Variants in AGAP1 observed in about 807,000 individuals in gnomAD.
AGAP1 encodes arf-GAP with GTPase, ANK repeat and PH domain-containing protein 1.
In AGAP1, 29 loss-of-function variants were observed where a neutral mutation model predicts 105.3. That is an observed-to-expected ratio of 0.28 (90% CI 0.21 to 0.38). The LOEUF (loss-of-function observed/expected upper bound fraction) is 0.38. Ranked by LOEUF, AGAP1 falls within the 10% of genes least tolerant of loss-of-function variation. The pLI, the probability that AGAP1 is intolerant of heterozygous loss-of-function variation, is 1.00. For synonymous variants in AGAP1, 509 were observed against 485.9 expected, an observed-to-expected ratio of 1.05 and a Z score of -0.63; for missense variants, 998 against 1,165.1, an observed-to-expected ratio of 0.86 and a Z score of 2.09.
At position 235,712,203 on chromosome 2, in the gene AGAP1, G is replaced by A. The variant is rs778309969; in HGVS notation, c.222+2966G>A. Among the ~76,000 whole-genome samples, 9 of 152,054 alleles carry A rather than the reference G, an allele frequency of 5.9e-5. No individual in the cohort carries two copies. Among genetic ancestry groups the A allele is most frequent in the Non-Finnish European group, 1.0e-4 (7 of 68,022 alleles). ...ACATCTGGCTAATTTTTTATTTTTAGTAGACAAGATTTTACCATGTTGGCC... is the reference window on the plus strand; with the variant it reads ...ACATCTGGCTAATTTTTTATTTTTAATAGACAAGATTTTACCATGTTGGCC... On this transcript the variant is annotated intron_variant, in intron 2 of 17. Coordinates refer to ENST00000304032, the MANE Select transcript of AGAP1 (RefSeq NM_001037131.3). This position sits in a 1 kb window ranked among gnomAD's most constrained non-coding sequence, Gnocchi z 6.0.
In AGAP1 at chr2:235,919,939, A is replaced by C. The variant is rs1029791461; in HGVS notation, c.1325-10826A>C. On this transcript the variant is annotated intron_variant, in intron 11 of 17. Transcript: ENST00000304032. The surrounding 1 kb of genome is among the most constrained non-coding windows in gnomAD (Gnocchi z 4.1). ...AAGCCGTACGATGGCGCTCTCCATA[A>C]ACACTGTCGGAATCTGGAGCAGCAC... Among the ~76,000 whole-genome samples the C allele has an allele frequency of 1.3e-5, 2 of 152,200 alleles. No individual in the cohort carries two copies. Among genetic ancestry groups the C allele is most frequent in the Non-Finnish European group, 2.9e-5 (2 of 68,042 alleles).
intron 13 of AGAP1, among the ~76,000 whole-genome samples, chr2:236,030,007 A>T (rs1319371056): frequency 6.6e-6 from 1 of 152,178 alleles, no homozygotes. Flanking sequence ...CAAAGTGCTG[A>T]GTTGGCAGAC....
rs145991084 is a variant in AGAP1, at chr2:236,062,436, T to TTTGTTGTTG, written c.2114+13173_2114+13181dup. On this transcript the variant is annotated intron_variant, in intron 16 of 17. Transcript: ENST00000304032. The surrounding 1 kb of genome is among the most constrained non-coding windows in gnomAD (Gnocchi z 4.2). Reference sequence around the variant, plus strand: ...CTAGGAGCATACTCAGGACTCGTATTTTGTTGTTGTTGTTGTTGTTGTTGT... The same window carrying TTTGTTGTTG: ...CTAGGAGCATACTCAGGACTCGTATTTTGTTGTTGTTGTTGTTGTTGTTGTTGTTGTTGT... 3.5e-3 allele frequency among the ~76,000 whole-genome samples: 523 copies of TTTGTTGTTG among 151,016 alleles called. 3 individuals carry two copies. Among genetic ancestry groups the TTTGTTGTTG allele is most frequent in the African/African-American group, 0.012 (488 of 40,938 alleles).
intron 6 of AGAP1, among the ~76,000 whole-genome samples, chr2:235,778,806 G>A (rs2149911072): frequency 6.6e-6 from 1 of 152,258 alleles, no homozygotes; most frequent in South Asian, 2.1e-4. Flanking sequence ...ATGGGATCAG[G>A]AACAACCACA....
rs564942843 is a variant in AGAP1, at chr2:236,014,433, T to G, written c.1646-22128T>G. The stretch of plus-strand genomic sequence containing the variant: ...GCCGAATCAAAGGGCTTGTGGCGAC[T>G]GGCATCATAGCTCCTTCAAAGGGTG... On this transcript the variant is annotated intron_variant, in intron 13 of 17. Coordinates refer to ENST00000304032, the MANE Select transcript of AGAP1 (RefSeq NM_001037131.3). This position sits in a 1 kb window ranked among gnomAD's most constrained non-coding sequence, Gnocchi z 6.3. 4.6e-5 allele frequency among the ~76,000 whole-genome samples: 7 copies of G among 152,356 alleles called. No homozygotes were observed. The South Asian group carries it at 1.4e-3, about 32-fold the overall frequency.
At chr2:236,069,275 A>G (rs2058434993) in intron 16 of AGAP1, among the ~76,000 whole-genome samples, 1 of 152,232 alleles carries the variant, frequency 6.6e-6, no homozygotes, top group Non-Finnish European at 1.5e-5. Flanking sequence ...TGCAATGTAA[A>G]TATACATACG....
rs150371354 is a variant in AGAP1, at chr2:235,630,733, C to T, written c.164-78446C>T. 2.3e-3 allele frequency among the ~76,000 whole-genome samples: 348 copies of T among 152,304 alleles called. 3 individuals are homozygous for T. Among genetic ancestry groups the T allele is most frequent in the African/African-American group, 8.1e-3 (335 of 41,558 alleles). Reference sequence around the variant, plus strand: ...CTCTGCCCTGGTGTGCCCCTCGGCTCGCCACTGGCTTAGGTGCAGGTACAT... The same window carrying T: ...CTCTGCCCTGGTGTGCCCCTCGGCTTGCCACTGGCTTAGGTGCAGGTACAT... On this transcript the variant is annotated intron_variant, in intron 1 of 17. Coordinates refer to ENST00000304032, the MANE Select transcript of AGAP1 (RefSeq NM_001037131.3).
chr2:235,750,272 G>A lies in AGAP1; in HGVS notation c.539-82G>A. The A allele has an allele frequency of 6.3e-7, 1 of 1,580,910 alleles. No individual in the cohort carries two copies. The highest frequency in any genetic ancestry group is 8.7e-7 in the Non-Finnish European group (1 of 1,153,372). On this transcript the variant is annotated intron_variant, in intron 5 of 17. Transcript: ENST00000304032. This position sits in a 1 kb window ranked among gnomAD's most constrained non-coding sequence, Gnocchi z 5.3. ...TACATTTCTGCTGAGTAAGGTACTG[G>A]TTTTCCGTGTTGTGGGGAGTGTAGG...
rs1472826474 is a variant in AGAP1 at position 235,769,839 on chromosome 2, G to A, written c.673+19351G>A. ...TGAGTTCTGCTTTGGCACAGGGGAG[G>A]GAGGACATGGCCCTCGGCTGCCAAG... On this transcript the variant is annotated intron_variant, in intron 6 of 17. Coordinates refer to ENST00000304032, the MANE Select transcript of AGAP1 (RefSeq NM_001037131.3). This position sits in a 1 kb window ranked among gnomAD's most constrained non-coding sequence, Gnocchi z 4.4. 6.6e-6 allele frequency among the ~76,000 whole-genome samples: 1 copy of A among 152,148 alleles called. No individual in the cohort carries two copies. The highest frequency in any genetic ancestry group is 2.4e-5 in the African/African-American group (1 of 41,432).
chr2:235,767,503 C>T (rs1575396240), intron 6 of AGAP1, among the ~76,000 whole-genome samples: 1 of 152,152 alleles, frequency 6.6e-6, no homozygotes, highest in Non-Finnish European at 1.5e-5. Context: ...TTTATGCAGT[C>T]GTGTTCAGAG....
intron 16 of AGAP1, among the ~76,000 whole-genome samples, chr2:236,066,069 T>G (rs539669662): frequency 6.6e-6 from 1 of 152,298 alleles, no homozygotes; most frequent in East Asian, 1.9e-4. Flanking sequence ...TGAAAACCCT[T>G]CTTCCATTGC....
intron 9 of AGAP1, among the ~76,000 whole-genome samples, chr2:235,868,482 G>GCCTGCGTTGAGACTGTTGCTCCATCACC (rs1559585377): frequency 6.6e-6 from 1 of 152,086 alleles, no homozygotes; most frequent in East Asian, 1.9e-4. Flanking sequence ...ACATGGCGCC[G>GCCTGCGTTGAGACTGTTGCTCCATCACC]CCTGCGTTGA....
chr2:235,613,159 C>T (rs759102918), intron 1 of AGAP1, among the ~76,000 whole-genome samples: 1 of 151,918 alleles, frequency 6.6e-6, no homozygotes, highest in African/African-American at 2.4e-5. Flanking sequence ...CCATGCCCAG[C>T]TAATTTTTGT....
In AGAP1 at chr2:236,003,786, C is replaced by CT. The variant is rs915738257; in HGVS notation, c.1646-32763dup. ...TGGAGGGGTCACTGCTGTCCTACCA[C>CT]TTTTTTTTTTTTCTGGAAGTTTGCA... is the stretch of plus-strand genomic sequence containing the variant. On this transcript the variant is annotated intron_variant, in intron 13 of 17. Transcript: ENST00000304032. This position sits in a 1 kb window ranked among gnomAD's most constrained non-coding sequence, Gnocchi z 4.2. 8.5e-3 allele frequency among the ~76,000 whole-genome samples: 1,240 copies of CT among 146,646 alleles called. 16 individuals carry two copies. The highest frequency in any genetic ancestry group is 0.025 in the African/African-American group (1,024 of 40,436).
chr2:235,933,596 G>A (rs1003235863), intron 12 of AGAP1, among the ~76,000 whole-genome samples: 2 of 150,226 alleles, frequency 1.3e-5, no homozygotes, highest in Non-Finnish European at 3.0e-5. Flanking sequence ...GCAGTGGCGC[G>A]ACCCCGGCTC....
intron 1 of AGAP1, among the ~76,000 whole-genome samples, chr2:235,640,633 AAT>A (rs1947158780): frequency 6.6e-6 from 1 of 152,174 alleles, no homozygotes; most frequent in East Asian, 1.9e-4. Context: ...AAAAACCATG[AAT>A]GGGGCTGGCC....
At chr2:235,920,533 G>A (rs1241948780) in intron 11 of AGAP1, among the ~76,000 whole-genome samples, 1 of 152,144 alleles carries the variant, frequency 6.6e-6, no homozygotes, top group Non-Finnish European at 1.5e-5. Context: ...CCTTTGGGAT[G>A]CTGGAAGATG....
intron 6 of AGAP1, among the ~76,000 whole-genome samples, chr2:235,779,455 C>T (rs547093318): frequency 6.6e-6 from 1 of 152,352 alleles, no homozygotes; most frequent in Non-Finnish European, 1.5e-5. Flanking sequence ...TCACCACTTA[C>T]CCCTCCAGGC....
chr2:235,519,076 T>C (rs893553335), intron 1 of AGAP1, among the ~76,000 whole-genome samples: 3 of 152,168 alleles, frequency 2.0e-5, no homozygotes, highest in African/African-American at 7.2e-5. Context: ...GGTGTGTGTG[T>C]ATGTGTTTAT....
Sources: allele counts gnomAD v4.1 joint callset (sites outside exome capture counted in the v4.1 genomes callset), GRCh38; gene constraint gnomAD v4.1.1; non-coding constraint Gnocchi (gnomAD v3.1); transcripts MANE v1.5; gene names NCBI Gene and HGNC (gene_info 2026-07-23, HGNC 2026-07-21).